Variants in DCC observed in about 807,000 individuals in gnomAD.
DCC encodes the protein DCC netrin 1 receptor.
In DCC, 58 loss-of-function variants were observed where a neutral mutation model predicts 172.5. That is an observed-to-expected ratio of 0.34 (90% confidence interval 0.27 to 0.42). The LOEUF is 0.42. Ranked by LOEUF, DCC falls within the 10% of genes least tolerant of loss-of-function variation. The probability of loss-of-function intolerance (pLI) is 1.00; values close to 1 mark genes in which losing one functional copy is unlikely to be tolerated. For synonymous variants in DCC, 709 were observed against 644.5 expected (o/e 1.10, Z -1.52); for missense variants, 1,740 against 1,791.0 (o/e 0.97, Z 0.51).
intron 12 of DCC, among the ~76,000 whole-genome samples, chr18:53,262,840 A>G (rs1279978902): frequency 6.6e-6 from 1 of 152,248 alleles, no homozygotes; most frequent in Non-Finnish European, 1.5e-5. Flanking sequence ...TAAAATATTT[A>G]ACTCCATTTA....
chr18:53,488,111 A>T (rs913878576), intron 26 of DCC, among the ~76,000 whole-genome samples: 1 of 152,206 alleles, frequency 6.6e-6, no homozygotes, highest in Non-Finnish European at 1.5e-5. Flanking sequence ...CTCTGACTTT[A>T]AAGGGAAACA....
intron 1 of DCC, among the ~76,000 whole-genome samples, chr18:52,426,334 G>A (rs995894923): frequency 1.4e-5 from 2 of 143,694 alleles, no homozygotes; most frequent in African/African-American, 5.2e-5. Context: ...ACTCCAACTT[G>A]ACAGCTTGAG....
rs114543485 is a variant in DCC, at chr18:52,788,290, A to G, written c.412+35916A>G. On this transcript the variant is annotated intron_variant, in intron 2 of 28. Coordinates refer to ENST00000442544, the MANE Select transcript of DCC (RefSeq NM_005215.4). The stretch of plus-strand genomic sequence containing the variant: ...TTTAGTGATTTCAAACACATGTTGC[A>G]CTGTTAACTCTTTGCAACTTTTAAT... Among the ~76,000 whole-genome samples, 783 of 152,298 alleles carry G rather than the reference A, an allele frequency of 5.1e-3. 6 individuals are homozygous for G. The highest frequency in any genetic ancestry group is 0.017 in the African/African-American group (721 of 41,570).
At chr18:53,503,032 CCAGTGTGTG>C (rs1347716879) in intron 27 of DCC, among the ~76,000 whole-genome samples, 3 of 151,994 alleles carry the variant, frequency 2.0e-5, no homozygotes, top group Non-Finnish European at 2.9e-5. Context: ...CCGACAGGCC[CCAGTGTGTG>C]CAGTGTGTGT....
chr18:52,732,978 A>C (rs947544055), intron 1 of DCC, among the ~76,000 whole-genome samples: 2 of 152,166 alleles, frequency 1.3e-5, no homozygotes, highest in African/African-American at 4.8e-5. Context: ...GTTAATAATT[A>C]ATGTAACCAA....
intron 13 of DCC, among the ~76,000 whole-genome samples, chr18:53,307,445 G>T (rs1022284582): frequency 6.6e-6 from 1 of 152,020 alleles, no homozygotes; most frequent in African/African-American, 2.4e-5. Flanking sequence ...AAATATTTTA[G>T]TATGGATTCT....
intron 5 of DCC, among the ~76,000 whole-genome samples, chr18:53,055,569 C>T (rs1188538108): frequency 2.0e-5 from 3 of 152,052 alleles, no homozygotes; most frequent in Admixed American, 6.6e-5. Flanking sequence ...TTATTTCCAA[C>T]GTGTAATACA....
At chr18:53,433,505 T>C (rs1364490583) in intron 21 of DCC, among the ~76,000 whole-genome samples, 1 of 152,182 alleles carries the variant, frequency 6.6e-6, no homozygotes, top group Non-Finnish European at 1.5e-5. Context: ...TTAGCATCTC[T>C]TTTGGCTGAC....
At chr18:53,110,625 G>T (rs1354625534) in intron 7 of DCC, among the ~76,000 whole-genome samples, 6 of 150,830 alleles carry the variant, frequency 4.0e-5, no homozygotes, top group Admixed American at 6.6e-5. Flanking sequence ...AGACATTTAT[G>T]CAGCCAAAAA....
chr18:53,459,851 G>C (rs2145167073), intron 24 of DCC, among the ~76,000 whole-genome samples: 1 of 152,084 alleles, frequency 6.6e-6, no homozygotes, highest in South Asian at 2.1e-4. Flanking sequence ...ATAGATAATT[G>C]AAAGTTAATT....
At chr18:52,956,288 T>G (rs546514242) in intron 5 of DCC, among the ~76,000 whole-genome samples, 64 of 152,166 alleles carry the variant, frequency 4.2e-4, no homozygotes, top group Middle Eastern at 6.8e-3. Context: ...AGATATCCAG[T>G]TGTTTCAGTA....
rs185414286 is a variant in DCC at position 52,378,278 on chromosome 18, C to A, written c.91+37400C>A. ...GTTAGAAACTGAGAACACTACAAAG[C>A]AGGCATCTAACTAATAGAGATGATC... On this transcript the variant is annotated intron_variant, in intron 1 of 28. Transcript: ENST00000442544. Among the ~76,000 whole-genome samples, 114 of 151,076 alleles carry A rather than the reference C, an allele frequency of 7.5e-4. 1 individual carries two copies. The highest frequency in any genetic ancestry group is 2.6e-3 in the African/African-American group (106 of 41,120).
At chr18:53,141,044 T>G (rs1053481372) in intron 7 of DCC, among the ~76,000 whole-genome samples, 3 of 152,138 alleles carry the variant, frequency 2.0e-5, no homozygotes, top group African/African-American at 7.2e-5. Context: ...TCCCTAAATT[T>G]TGCAGTTGGT....
At chr18:52,383,918 A>G (rs1033629152) in intron 1 of DCC, among the ~76,000 whole-genome samples, 1 of 152,112 alleles carries the variant, frequency 6.6e-6, no homozygotes, top group African/African-American at 2.4e-5. Context: ...TTGTATATGT[A>G]TGTAAGCAAA....
intron 2 of DCC, among the ~76,000 whole-genome samples, chr18:52,836,896 CT>C (rs1174782663): frequency 6.6e-6 from 1 of 152,240 alleles, no homozygotes. Flanking sequence ...AGGGCTCTGC[CT>C]TTGCAGGAAA....
At chr18:53,443,285 C>A (rs1912389676) in intron 22 of DCC, among the ~76,000 whole-genome samples, 1 of 152,176 alleles carries the variant, frequency 6.6e-6, no homozygotes, top group South Asian at 2.1e-4. Context: ...ATTTACTATT[C>A]TGAAAATCCT....
chr18:53,384,784 G>A (rs149831489), intron 15 of DCC, among the ~76,000 whole-genome samples: 117 of 151,350 alleles, frequency 7.7e-4, no homozygotes, highest in African/African-American at 2.7e-3. Context: ...CTTTTCTATA[G>A]GAATGATATT....
At chr18:52,851,437 A>G (rs1462000037) in intron 2 of DCC, among the ~76,000 whole-genome samples, 3 of 152,060 alleles carry the variant, frequency 2.0e-5, no homozygotes, top group Admixed American at 6.6e-5. Flanking sequence ...TCACATGAAA[A>G]CTGCAATAAA....
At chr18:53,427,711 T>A (rs1343174752) in intron 21 of DCC, among the ~76,000 whole-genome samples, 1 of 144,784 alleles carries the variant, frequency 6.9e-6, no homozygotes, top group East Asian at 2.1e-4. Flanking sequence ...ATTTGCCTTT[T>A]CAGTTTTTGT....
Sources: allele counts gnomAD v4.1 joint callset (sites outside exome capture counted in the v4.1 genomes callset), GRCh38; gene constraint gnomAD v4.1.1; transcripts MANE v1.5; gene names NCBI Gene and HGNC (gene_info 2026-07-23, HGNC 2026-07-21).